The following LAMB4 variants were observed in gnomAD, a reference collection of about 807,000 sequenced individuals.
The protein encoded by LAMB4 is laminin subunit beta-4.
Under a neutral mutation model 199.2 loss-of-function variants are expected in LAMB4, and 196 were observed. The observed-to-expected ratio is 0.98, with a 90% confidence interval of 0.88 to 1.11. The LOEUF (loss-of-function observed/expected upper bound fraction) is 1.11, where lower values mean the gene tolerates loss of function less well. Ranked by LOEUF, LAMB4 falls within the 50% of genes least tolerant of loss-of-function variation. The pLI, the probability that LAMB4 is intolerant of heterozygous loss-of-function variation, is 0.00. For synonymous variants in LAMB4, 744 were observed against 770.6 expected (o/e 0.97, Z 0.57); for missense variants, 2,080 against 2,171.2 (o/e 0.96, Z 0.83).
intron 6 of LAMB4, 92 bp downstream of exon 6, chr7:108,107,538 AC>A: frequency 1.0e-6 from 1 of 957,976 alleles, no homozygotes; most frequent in South Asian, 1.6e-5. Flanking sequence ...AACTTACATT[AC>A]AGTAAACACT....
chr7:108,034,071 A>T (rs188063397), intron 31 of LAMB4, 137 bp downstream of exon 31: 1 of 859,042 alleles, frequency 1.2e-6, no homozygotes, highest in Non-Finnish European at 1.9e-6. Context: ...CATGCATAAT[A>T]CTACCCAAAT....
rs2038392765 is a variant in LAMB4, at chr7:108,116,026, T to C, written c.170A>G (p.Tyr57Cys). The change falls in exon 3 of 34, where the codon TAC becomes TGC. Residue 57 changes from tyrosine to cysteine, a missense_variant. Physicochemically the swap from Tyr to Cys is radical, Grantham distance 194. Transcript: ENST00000388781. ...CACCTCCAGGTAACTGAGGATGCAG[T>C]ATTTCTGGGCTCTGCTCAGCCCACA... ...STCGLSRAQK[Y>C]CILSYLEGEQ... is the part of the protein sequence containing the mutation. The C allele has an allele frequency of 1.2e-6, 2 of 1,613,254 alleles. No homozygotes were observed. Among genetic ancestry groups the C allele is most frequent in the African/African-American group, 1.3e-5 (1 of 75,022 alleles).
At chr7:108,124,699 T>A (rs1036889271) in intron 1 of LAMB4, among the ~76,000 whole-genome samples, 1 of 152,060 alleles carries the variant, frequency 6.6e-6, no homozygotes, top group African/African-American at 2.4e-5. Flanking sequence ...TTTATTTGAA[T>A]AGTAGGAAAT....
intron 7 of LAMB4, 37 bp from the exon 8 acceptor site, chr7:108,106,068 A>G (rs2037998423): frequency 4.7e-6 from 7 of 1,490,794 alleles, no homozygotes; most frequent in Non-Finnish European, 5.6e-6. Context: ...AGTGAATTTG[A>G]GGTGCATCAG....
At chr7:108,100,249 G>A (rs1396556942) in intron 10 of LAMB4, among the ~76,000 whole-genome samples, 2 of 152,158 alleles carry the variant, frequency 1.3e-5, no homozygotes, top group Non-Finnish European at 2.9e-5. Context: ...AAGTAGTTGA[G>A]TCTACCAAAT....
chr7:108,111,717 A>T (rs567803839), intron 4 of LAMB4, 94 bp downstream of exon 4: 2 of 1,082,040 alleles, frequency 1.8e-6, no homozygotes. Context: ...CCAATATAAT[A>T]CTTTGCTGTG....
At chr7:108,104,265 A>C (rs2037919557) in intron 9 of LAMB4, among the ~76,000 whole-genome samples, 1 of 150,386 alleles carries the variant, frequency 6.6e-6, no homozygotes, top group Admixed American at 6.7e-5. Flanking sequence ...GTGCCACACA[A>C]CATGCTTACT....
chr7:108,120,621 T>C (rs1054001258), intron 2 of LAMB4, among the ~76,000 whole-genome samples: 8 of 152,236 alleles, frequency 5.3e-5, no homozygotes, highest in African/African-American at 1.9e-4. Context: ...ATTCATATTT[T>C]GTTTGTTTGC....
intron 11 of LAMB4, among the ~76,000 whole-genome samples, chr7:108,097,866 C>G (rs1005993407): frequency 3.9e-5 from 6 of 152,196 alleles, no homozygotes; most frequent in Admixed American, 3.9e-4. Context: ...CGTTAAATTT[C>G]TTGCCATTTC....
chr7:108,070,757 G>C (rs2036505369), intron 17 of LAMB4, among the ~76,000 whole-genome samples: 1 of 152,128 alleles, frequency 6.6e-6, no homozygotes, highest in Non-Finnish European at 1.5e-5. Flanking sequence ...TTTTTGGGGA[G>C]TAAAAAATCA....
At chr7:108,088,421 C>T (rs1197344656) in intron 14 of LAMB4, among the ~76,000 whole-genome samples, 2 of 152,174 alleles carry the variant, frequency 1.3e-5, no homozygotes, top group Non-Finnish European at 2.9e-5. Context: ...GCCTCGGCCT[C>T]TCAAAGTGCT....
intron 18 of LAMB4, among the ~76,000 whole-genome samples, chr7:108,068,979 C>T (rs1189684721): frequency 6.6e-6 from 1 of 152,192 alleles, no homozygotes. Context: ...ACCCACCATG[C>T]CCGGTCCCCC....
At chr7:108,022,682 G>A (rs1453921550), downstream of LAMB4, among the ~76,000 whole-genome samples, 2 of 151,990 alleles carry the variant, frequency 1.3e-5, no homozygotes, top group Non-Finnish European at 2.9e-5. Flanking sequence ...CTGTAGAAAA[G>A]TTTCTTTCTA....
At chr7:108,057,809 T>G in intron 24 of LAMB4, 23 bp downstream of exon 24, 1 of 1,521,972 alleles carries the variant, frequency 6.6e-7, no homozygotes, top group South Asian at 1.1e-5. Context: ...TACGCATGAG[T>G]TTTTAGAAAT....
intron 11 of LAMB4, 135 bp downstream of exon 11, chr7:108,098,268 G>T: frequency 2.5e-6 from 1 of 392,806 alleles, no homozygotes; most frequent in Non-Finnish European, 4.1e-6. Flanking sequence ...GGGAGGTGGA[G>T]GTTGGAGTGA....
intron 17 of LAMB4, among the ~76,000 whole-genome samples, chr7:108,070,750 T>A (rs2036504907): frequency 6.6e-6 from 1 of 152,222 alleles, no homozygotes; most frequent in African/African-American, 2.4e-5. Context: ...AGTTAAGTTT[T>A]TGGGGAGTAA....
chr7:108,078,143 G>A, intron 16 of LAMB4, 58 bp downstream of exon 16: 1 of 1,140,538 alleles, frequency 8.8e-7, no homozygotes, highest in Non-Finnish European at 1.3e-6. Context: ...ACAAATTACT[G>A]ATAAGTGAAC....
chr7:108,037,322 T>C lies in LAMB4; in HGVS notation c.4679+66A>G, dbSNP rs2035264441. The C allele has an allele frequency of 7.8e-6, 10 of 1,284,126 alleles. No homozygotes were observed. The East Asian group carries it at 1.6e-4, about 21-fold the overall frequency. The allele number at this position is 1,284,126 out of a possible 1,614,324, so 79.5% of individuals were successfully genotyped here. A position where few individuals can be genotyped will look rare whatever the true frequency, so the allele number is the denominator to read the frequency against. ...AATGCTATAGATCCCTAGGCAAACA[T>C]TTTCCTGATGTCCTTTCAGCAGATG... On this transcript the variant is annotated intron_variant, in intron 30 of 33. Coordinates refer to ENST00000388781, the MANE Select transcript of LAMB4 (RefSeq NM_007356.3).
At chr7:108,129,285 C>G (rs1279453759) in intron 1 of LAMB4, among the ~76,000 whole-genome samples, 1 of 152,192 alleles carries the variant, frequency 6.6e-6, no homozygotes, top group African/African-American at 2.4e-5. Flanking sequence ...GTTTCTACTA[C>G]AGCACCTTTC....
Sources: allele counts gnomAD v4.1 joint callset (sites outside exome capture counted in the v4.1 genomes callset), GRCh38; gene constraint gnomAD v4.1.1; transcripts MANE v1.5; gene names NCBI Gene and HGNC (gene_info 2026-07-23, HGNC 2026-07-21).